KCTD19: variants seen among roughly 807,000 people sequenced by gnomAD.
KCTD19 encodes the protein potassium channel tetramerization domain containing 19.
In KCTD19, 67 loss-of-function variants were observed where a neutral mutation model predicts 103.5. The observed-to-expected ratio is 0.65, with a 90% CI of 0.53 to 0.79. KCTD19 has a LOEUF of 0.79. Among genes scored for constraint, KCTD19 ranks in the 30% least tolerant of loss-of-function variants. The probability of loss-of-function intolerance (pLI) is 0.00; values close to 1 mark genes in which losing one functional copy is unlikely to be tolerated. For synonymous variants in KCTD19, 439 were observed against 452.2 expected (o/e 0.97, Z 0.37); for missense variants, 980 against 1,136.1 (o/e 0.86, Z 1.98).
chr16:67,295,626 C>G, intron 8 of KCTD19: 1 of 456,814 alleles, frequency 2.2e-6, no homozygotes, highest in Non-Finnish European at 3.9e-6. Context: ...AGACCACCCT[C>G]TCAAGGCATT....
At position 67,293,700 on chromosome 16, in the gene KCTD19, CT is replaced by C. The variant is rs1567447101; in HGVS notation, c.2061del (p.Ala688ProfsTer41). 1.2e-6 allele frequency: 2 copies of C among 1,614,082 alleles called. No homozygotes were observed. The highest frequency in any genetic ancestry group is 1.7e-6 in the Non-Finnish European group (2 of 1,180,018). On this transcript the variant is annotated frameshift_variant, in exon 12 of 16. Coordinates refer to ENST00000304372, the MANE Select transcript of KCTD19 (RefSeq NM_001100915.3). LOFTEE classifies it high-confidence loss of function. This position sits in a 1 kb window ranked among gnomAD's most constrained non-coding sequence, Gnocchi z 4.0. Reference protein sequence around the residue: ...ASQPSTSAAWKAHSTASEKDP... With the variant: ...ASQPSTSAAWXAHSTASEKDP... ...TCCTTCTCTGAGGCTGTGGAATGGG[CT>C]TTCCAGGCAGCTGAGGTGCTGGGCT...
chr16:67,305,516 C>T (rs544938194), intron 2 of KCTD19: 1 of 429,416 alleles, frequency 2.3e-6, no homozygotes, highest in Admixed American at 2.7e-5. Flanking sequence ...CAGAGGTGGG[C>T]TGAGGCTGGA....
intron 5 of KCTD19, 65 bp from the exon 6 acceptor site, chr16:67,299,638 G>C: frequency 4.9e-6 from 7 of 1,417,282 alleles, no homozygotes; most frequent in Non-Finnish European, 6.8e-6. Context: ...GGAGGCTTTG[G>C]GGCTCGGTTC....
Position 67,320,632 on chromosome 16 carries a change from A to G in KCTD19, c.257T>C (p.Leu86Pro), listed in dbSNP as rs1362069205. 2 of 1,614,236 alleles carry G rather than the reference A, an allele frequency of 1.2e-6. No individual in the cohort carries two copies. Among genetic ancestry groups the G allele is most frequent in the Admixed American group, 1.7e-5 (1 of 60,032 alleles). The change falls in exon 2 of 16, where the codon CTG becomes CCG. Residue 86 changes from leucine (L) to proline (P), a missense_variant. Leu to Pro is a moderately conservative substitution (Grantham distance 98). Transcript: ENST00000304372. The surrounding 1 kb of genome is among the most constrained non-coding windows in gnomAD (Gnocchi z 4.0). ...SFSSCAELNL[L>P]YEQALGLQLM... The stretch of plus-strand genomic sequence containing the variant: ...CTGCAAACCCAATGCTTGCTCATAC[A>G]GCAAGTTCAGTTCTGCACAACTGGA...
intron 2 of KCTD19, among the ~76,000 whole-genome samples, chr16:67,308,990 C>T (rs184952219): frequency 4.6e-5 from 7 of 151,762 alleles, no homozygotes; most frequent in African/African-American, 1.2e-4. Context: ...AAAAATTAGC[C>T]GGGCTTGGTG....
At position 67,320,897 on chromosome 16, in the gene KCTD19, ATG is replaced by A. The variant is rs1471869499; in HGVS notation, c.4-14_4-13del. Reference sequence around the variant, plus strand: ...ATGCCAGACTCCTCCTAAAGGGGGAATGAAAAAGAGATCTACGCAAGAAAAAG... The same window carrying A: ...ATGCCAGACTCCTCCTAAAGGGGGAAAAAAAGAGATCTACGCAAGAAAAAG... On this transcript the variant is annotated splice_polypyrimidine_tract_variant and intron_variant, in intron 1 of 15. Transcript: ENST00000304372. This position sits in a 1 kb window ranked among gnomAD's most constrained non-coding sequence, Gnocchi z 4.0. 2 of 1,589,568 alleles carry A rather than the reference ATG, an allele frequency of 1.3e-6. No homozygotes were observed. Among genetic ancestry groups the A allele is most frequent in the Admixed American group, 3.7e-5 (2 of 54,110 alleles).
At position 67,293,632 on chromosome 16, in the gene KCTD19, C is replaced by T. The variant is rs745983571; in HGVS notation, c.2130G>A (p.Lys710=). 8 of 1,613,724 alleles carry T rather than the reference C, an allele frequency of 5.0e-6. No homozygotes were observed. In the African/African-American group the frequency reaches 9.3e-5, roughly 19 times the overall value. The change falls in exon 12 of 16, where the codon AAG becomes AAA. Residue 710 remains lysine, a synonymous_variant. Coordinates refer to ENST00000304372, the MANE Select transcript of KCTD19 (RefSeq NM_001100915.3). This position sits in a 1 kb window ranked among gnomAD's most constrained non-coding sequence, Gnocchi z 4.0. The stretch of plus-strand genomic sequence containing the variant: ...ATGGCTTGAAGGTTGGCTCTGGCCC[C>T]TTGTCTTTCGCTCCAGCTCCAGCCC... ...QAGAGAGAKD[K]GPEPTFKPYL...
chr16:67,294,606 C>T lies in KCTD19; in HGVS notation c.1564G>A (p.Val522Met), dbSNP rs750634015. 1.2e-6 allele frequency: 2 copies of T among 1,613,698 alleles called. No homozygotes were observed. The highest frequency in any genetic ancestry group is 4.5e-5 in the East Asian group (2 of 44,874). ...TCTTTAGTGTCTCTACTGAACTCCA[C>T]CAGTGACCCTGGCCCTTCTGTCACC... ...HVVTEGPGSL[V>M]EFSRDTKETT... The change falls in exon 11 of 16, where the codon GTG becomes ATG. Residue 522 changes from valine to methionine, a missense_variant. Val to Met is a conservative substitution (Grantham distance 21). Coordinates refer to ENST00000304372, the MANE Select transcript of KCTD19 (RefSeq NM_001100915.3).
intron 6 of KCTD19, among the ~76,000 whole-genome samples, chr16:67,298,326 C>G (rs1016240940): frequency 2.0e-5 from 3 of 152,108 alleles, no homozygotes; most frequent in African/African-American, 4.8e-5. Context: ...TCTGTTTAAC[C>G]TTGTAGGAGA....
chr16:67,320,006 G>A lies in KCTD19; in HGVS notation c.300+583C>T, dbSNP rs934736866. ...CTTAATATAGGATTTTCAAGAGCCA[G>A]GGGCACCCTCTCAGTGGATAGTAAA... On this transcript the variant is annotated intron_variant, in intron 2 of 15. Coordinates refer to ENST00000304372, the MANE Select transcript of KCTD19 (RefSeq NM_001100915.3). This position sits in a 1 kb window ranked among gnomAD's most constrained non-coding sequence, Gnocchi z 4.0. Among the ~76,000 whole-genome samples the A allele has an allele frequency of 6.6e-6, 1 of 152,196 alleles. No homozygotes were observed. The highest frequency in any genetic ancestry group is 2.4e-5 in the African/African-American group (1 of 41,454).
At chr16:67,305,944 T>C (rs978802639) in intron 2 of KCTD19, among the ~76,000 whole-genome samples, 1 of 151,278 alleles carries the variant, frequency 6.6e-6, no homozygotes, top group East Asian at 2.0e-4. Flanking sequence ...CGGGCCAGAG[T>C]GGGAGAATCT....
chr16:67,325,574 C>A (rs2037143463), intron 1 of KCTD19, among the ~76,000 whole-genome samples: 1 of 151,822 alleles, frequency 6.6e-6, no homozygotes, highest in Admixed American at 6.6e-5. Flanking sequence ...TAGGGTGTGA[C>A]AAGAGGGTCC....
At chr16:67,296,906 T>C (rs1185031984) in intron 7 of KCTD19, among the ~76,000 whole-genome samples, 1 of 152,222 alleles carries the variant, frequency 6.6e-6, no homozygotes, top group Non-Finnish European at 1.5e-5. Context: ...AGAAAGGGAC[T>C]AAGTCTGTGT....
At chr16:67,306,863 T>C (rs140035325) in intron 2 of KCTD19, among the ~76,000 whole-genome samples, 1 of 152,248 alleles carries the variant, frequency 6.6e-6, no homozygotes, top group African/African-American at 2.4e-5. Flanking sequence ...CCCATGGACT[T>C]TTAAACTGAA....
chr16:67,312,855 G>A (rs2036963339), intron 2 of KCTD19, among the ~76,000 whole-genome samples: 1 of 152,220 alleles, frequency 6.6e-6, no homozygotes, highest in Admixed American at 6.5e-5. Flanking sequence ...CTTTCATCTG[G>A]ATACTGCAGG....
rs561137674 is a variant in KCTD19 at position 67,289,707 on chromosome 16, C to T, written c.2668-25G>A. ...GCTGGAAGGAAAGGCCAGTCTTATC[C>T]CTGATTTCCTGGCCAGTTGTCTACT... On this transcript the variant is annotated intron_variant, in intron 15 of 15. Transcript: ENST00000304372. The T allele has an allele frequency of 7.1e-6, 11 of 1,542,352 alleles. No homozygotes were observed. In the African/African-American group the frequency reaches 1.5e-4, roughly 21 times the overall value.
chr16:67,319,533 C>A (rs1479587093), intron 2 of KCTD19, among the ~76,000 whole-genome samples: 2 of 152,006 alleles, frequency 1.3e-5, no homozygotes, highest in African/African-American at 4.8e-5. Flanking sequence ...ATATTTAGTT[C>A]TTCCAGGTTA....
chr16:67,325,191 CT>C (rs1567456732), intron 1 of KCTD19, among the ~76,000 whole-genome samples: 2 of 128,144 alleles, frequency 1.6e-5, no homozygotes, highest in Non-Finnish European at 3.4e-5. Flanking sequence ...TCTTTTTTTT[CT>C]TTTTTTCTTT....
Position 67,293,723 on chromosome 16 carries a change from G to A in KCTD19, c.2039C>T (p.Pro680Leu). The A allele has an allele frequency of 6.2e-7, 1 of 1,614,062 alleles. No individual in the cohort carries two copies. Among genetic ancestry groups the A allele is most frequent in the South Asian group, 1.1e-5 (1 of 91,078 alleles). ...GGCTTTCCAGGCAGCTGAGGTGCTG[G>A]GCTGGGAAGCAGCCTCGCTTCCCAA... ...LPLGSEAASQ[P>L]STSAAWKAHS... Residue 680 changes from proline to leucine, a missense_variant, in exon 12 of 16, where the codon CCC becomes CTC. Transcript: ENST00000304372. This position sits in a 1 kb window ranked among gnomAD's most constrained non-coding sequence, Gnocchi z 4.0.
Sources: allele counts gnomAD v4.1 joint callset (sites outside exome capture counted in the v4.1 genomes callset), GRCh38; gene constraint gnomAD v4.1.1; non-coding constraint Gnocchi (gnomAD v3.1); transcripts MANE v1.5; gene names NCBI Gene and HGNC (gene_info 2026-07-23, HGNC 2026-07-21).